UBE3C: variants seen among roughly 807,000 people sequenced by gnomAD.
UBE3C encodes ubiquitin-protein ligase E3C.
In UBE3C, 42 loss-of-function variants were observed where a neutral mutation model predicts 129.4. The observed-to-expected ratio is 0.32, with a 90% CI of 0.25 to 0.42. The LOEUF (loss-of-function observed/expected upper bound fraction) is 0.42, where lower values mean the gene tolerates loss of function less well. Ranked by LOEUF, UBE3C falls within the 10% of genes least tolerant of loss-of-function variation. The pLI, the probability that UBE3C is intolerant of heterozygous loss-of-function variation, is 1.00. For synonymous variants in UBE3C, 510 were observed against 492.4 expected (o/e 1.04, Z -0.47); for missense variants, 1,049 against 1,319.1 (o/e 0.80, Z 3.17).
At chr7:157,253,012 G>A (rs988162445) in intron 19 of UBE3C, among the ~76,000 whole-genome samples, 1 of 152,068 alleles carries the variant, frequency 6.6e-6, no homozygotes, top group African/African-American at 2.4e-5. Flanking sequence ...GATTAGAGGC[G>A]TGAGCCACTA....
chr7:157,198,050 C>T (rs1307262847), intron 10 of UBE3C: 1 of 1,608,208 alleles, frequency 6.2e-7, no homozygotes, highest in African/African-American at 1.3e-5. Context: ...ACTGAAGCTC[C>T]AGGGGGATCT....
At chr7:157,175,136 A>AATTTTTTTTTTTTTTTT in intron 5 of UBE3C, 102 bp downstream of exon 5, 1 of 372,758 alleles carries the variant, frequency 2.7e-6, no homozygotes, top group Non-Finnish European at 3.7e-6. Flanking sequence ...GCTTTTCCAT[A>AATTTTTTTTTTTTTTTT]CTTTTTTTTT....
At chr7:157,238,477 T>G (rs1160900919) in intron 18 of UBE3C, among the ~76,000 whole-genome samples, 1 of 151,930 alleles carries the variant, frequency 6.6e-6, no homozygotes, top group East Asian at 1.9e-4. Context: ...TGCTGATGAA[T>G]GAGATGTTGG....
At chr7:157,228,158 G>A (rs570286805) in intron 17 of UBE3C, among the ~76,000 whole-genome samples, 6 of 152,130 alleles carry the variant, frequency 3.9e-5, no homozygotes, top group Non-Finnish European at 8.8e-5. Context: ...TCTTATCTCC[G>A]AACGATTCTC....
intron 18 of UBE3C, among the ~76,000 whole-genome samples, chr7:157,245,403 G>A (rs1309733979): frequency 1.3e-5 from 2 of 152,216 alleles, no homozygotes; most frequent in East Asian, 3.9e-4. Flanking sequence ...GTTGTATGCA[G>A]AATGTTCCCC....
chr7:157,241,381 T>A (rs1240432864), intron 18 of UBE3C, among the ~76,000 whole-genome samples: 2 of 152,214 alleles, frequency 1.3e-5, no homozygotes, highest in Non-Finnish European at 2.9e-5. Flanking sequence ...TATGAAGGAC[T>A]CCATGATAAA....
At chr7:157,161,119 C>A (rs1808057443) in intron 1 of UBE3C, among the ~76,000 whole-genome samples, 1 of 152,116 alleles carries the variant, frequency 6.6e-6, no homozygotes, top group South Asian at 2.1e-4. Flanking sequence ...AGATAAACAG[C>A]ATCAGTGGGA....
chr7:157,149,486 A>G (rs1299109199), intron 1 of UBE3C, among the ~76,000 whole-genome samples: 3 of 152,184 alleles, frequency 2.0e-5, no homozygotes, highest in Non-Finnish European at 4.4e-5. Context: ...GTAAAGCACC[A>G]TACAGTATTT....
Position 157,227,212 on chromosome 7 carries a change from T to G in UBE3C, c.2233+1673T>G, listed in dbSNP as rs1240993115. Among the ~76,000 whole-genome samples, 6 of 151,996 alleles carry G rather than the reference T, an allele frequency of 3.9e-5. No individual in the cohort carries two copies. In the East Asian group the frequency reaches 1.2e-3, roughly 29 times the overall value. On this transcript the variant is annotated intron_variant, in intron 17 of 22. Coordinates refer to ENST00000348165, the MANE Select transcript of UBE3C (RefSeq NM_014671.3). ...GTAGTGTTTAGAGAAGAGTGAGATG[T>G]TTAACCTTGAAGGGCCTTCCAAGAG... is the stretch of plus-strand genomic sequence containing the variant.
At chr7:157,225,053 C>T (rs1490958277) in intron 16 of UBE3C, among the ~76,000 whole-genome samples, 2 of 152,016 alleles carry the variant, frequency 1.3e-5, no homozygotes, top group African/African-American at 4.8e-5. Context: ...TTCACTCTGT[C>T]ACCCAGGCCT....
At chr7:157,151,390 T>G (rs988293164) in intron 1 of UBE3C, among the ~76,000 whole-genome samples, 8 of 152,226 alleles carry the variant, frequency 5.3e-5, no homozygotes, top group Non-Finnish European at 7.3e-5. Context: ...TTGGTGAATG[T>G]GAGTTCACTC....
chr7:157,243,990 G>A (rs1238856820), intron 18 of UBE3C, among the ~76,000 whole-genome samples: 1 of 152,174 alleles, frequency 6.6e-6, no homozygotes, highest in Non-Finnish European at 1.5e-5. Context: ...CCAGCACTTT[G>A]GGAGGCCGAG....
intron 1 of UBE3C, among the ~76,000 whole-genome samples, chr7:157,161,547 G>A (rs540756787): frequency 7.4e-4 from 112 of 151,648 alleles, no homozygotes; most frequent in African/African-American, 2.5e-3. Context: ...AGCCTCCCCA[G>A]TTCAAGTGAT....
chr7:157,163,924 CTTGGT>C, intron 2 of UBE3C, 61 bp downstream of exon 2: 1 of 1,487,898 alleles, frequency 6.7e-7, no homozygotes, highest in Admixed American at 1.7e-5. Context: ...TTAAACATGC[CTTGGT>C]TTTACTGTAT....
chr7:157,197,963 C>T (rs1370409391), intron 10 of UBE3C: 2 of 1,609,310 alleles, frequency 1.2e-6, no homozygotes, highest in Non-Finnish European at 1.7e-6. Context: ...AAGCCTTGAA[C>T]CTCAATCTAG....
intron 18 of UBE3C, chr7:157,231,620 G>A (rs928743201): frequency 1.4e-5 from 5 of 358,096 alleles, no homozygotes; most frequent in East Asian, 1.4e-4. Context: ...GAATGGATGA[G>A]TGGTTTATTG....
intron 22 of UBE3C, among the ~76,000 whole-genome samples, chr7:157,260,981 T>C (rs1381454118): frequency 6.6e-6 from 1 of 151,924 alleles, no homozygotes; most frequent in African/African-American, 2.4e-5. Context: ...GGAACAGAAG[T>C]AGAGGGATTT....
At chr7:157,207,089 T>C (rs543445579) in intron 11 of UBE3C, among the ~76,000 whole-genome samples, 7 of 152,302 alleles carry the variant, frequency 4.6e-5, no homozygotes, top group African/African-American at 1.4e-4. Flanking sequence ...AGTGGCCTTA[T>C]TAGAGCTCTT....
At chr7:157,251,870 C>T (rs1255619532) in intron 19 of UBE3C, among the ~76,000 whole-genome samples, 2 of 152,116 alleles carry the variant, frequency 1.3e-5, no homozygotes, top group African/African-American at 2.4e-5. Context: ...CGCAGTGGCT[C>T]ACGGCTGTAA....
Sources: gnomAD v4.1 joint callset for allele counts (sites outside exome capture counted in the v4.1 genomes callset) on GRCh38, gnomAD v4.1.1 for gene constraint, MANE v1.5 for transcripts, NCBI Gene and HGNC (gene_info 2026-07-23, HGNC 2026-07-21) for gene names.